SOCS4: variants seen among roughly 807,000 people sequenced by gnomAD.
SOCS4 encodes the protein suppressor of cytokine signaling 4.
SOCS4 carries 20 observed loss-of-function variants against 34.1 expected under a neutral mutation model. The ratio of observed to expected loss-of-function variants is 0.59; its 90% CI spans 0.41 to 0.85. The LOEUF (loss-of-function observed/expected upper bound fraction) is 0.85. Ranked by LOEUF, SOCS4 falls within the 40% of genes least tolerant of loss-of-function variation. The pLI, the probability that SOCS4 is intolerant of heterozygous loss-of-function variation, is 0.00. For synonymous variants in SOCS4, 180 were observed against 186.4 expected (o/e 0.97, Z 0.28); for missense variants, 479 against 532.4 (o/e 0.90, Z 0.99).
intron 2 of SOCS4, among the ~76,000 whole-genome samples, chr14:55,041,598 C>T (rs770137534): frequency 5.3e-5 from 8 of 151,284 alleles, no homozygotes; most frequent in Admixed American, 1.3e-4. Flanking sequence ...CCTCAGCCTC[C>T]CTAGTAGCTG....
In SOCS4 at chr14:55,048,812, G is replaced by T. The variant is rs915701080; in HGVS notation, c.*4448G>T. 1 of 166,822 alleles carries T rather than the reference G, an allele frequency of 6.0e-6. No homozygotes were observed. The highest frequency in any genetic ancestry group is 2.4e-5 in the African/African-American group (1 of 41,406). The allele number at this position is 166,822 out of a possible 1,614,324, so 10.3% of individuals were successfully genotyped here. A position where few individuals can be genotyped will look rare whatever the true frequency, so the allele number is the denominator to read the frequency against. On this transcript the variant is annotated 3_prime_UTR_variant, in exon 3 of 3. Transcript: ENST00000555846. The stretch of plus-strand genomic sequence containing the variant: ...AAAATGTAGGTGATACTTGTAACTC[G>T]ACTTCCTGGAGTTAATTCTTCAGCA...
intron 2 of SOCS4, among the ~76,000 whole-genome samples, chr14:55,040,442 G>A (rs1347922338): frequency 6.6e-6 from 1 of 152,104 alleles, no homozygotes; most frequent in Non-Finnish European, 1.5e-5. Context: ...CAATGTAAAT[G>A]CTATATAAAG....
chr14:55,031,736 T>C (rs1268678607), intron 1 of SOCS4, 127 bp from the exon 2 acceptor site: 1 of 152,208 alleles, frequency 6.6e-6, no homozygotes. Flanking sequence ...AAAAAGGAGA[T>C]ACTTTAAAAT....
chr14:55,041,620 A>G (rs1041037196), intron 2 of SOCS4, among the ~76,000 whole-genome samples: 1 of 149,472 alleles, frequency 6.7e-6, no homozygotes, highest in African/African-American at 2.5e-5. Context: ...GATTACAGGC[A>G]CCCGTCACTG....
intron 1 of SOCS4, among the ~76,000 whole-genome samples, chr14:55,029,714 A>G (rs1192165713): frequency 6.6e-6 from 1 of 152,178 alleles, no homozygotes; most frequent in East Asian, 1.9e-4. Flanking sequence ...ATAGCCAAGG[A>G]GACCAAAGTA....
Position 55,045,917 on chromosome 14 carries a change from A to G in SOCS4, c.*1553A>G, listed in dbSNP as rs1384142306. The stretch of plus-strand genomic sequence containing the variant: ...GCTTTTATGTGAGTAGCATTTCCCT[A>G]TCTTGCAGTTCTGTTAACATGAAAA... On this transcript the variant is annotated 3_prime_UTR_variant, in exon 3 of 3. Transcript: ENST00000555846. 18 of 166,968 alleles carry G rather than the reference A, an allele frequency of 1.1e-4. No homozygotes were observed. Among genetic ancestry groups the G allele is most frequent in the South Asian group, 2.1e-4 (1 of 4,832 alleles). The allele number at this position is 166,968 out of a possible 1,614,324, so 10.3% of individuals were successfully genotyped here.
chr14:55,036,851 A>G (rs2042576548), intron 2 of SOCS4, among the ~76,000 whole-genome samples: 1 of 151,992 alleles, frequency 6.6e-6, no homozygotes, highest in Non-Finnish European at 1.5e-5. Flanking sequence ...GCAGTGGCTC[A>G]CACCTGAAAA....
chr14:55,043,615 A>G lies in SOCS4; in HGVS notation c.574A>G (p.Asn192Asp). 6.2e-7 allele frequency: 1 copy of G among 1,614,192 alleles called. No individual in the cohort carries two copies. ...AAATATAAACTGTTTCTCACATACC[A>G]ATGTTCAGCCCTGTGTCATAACCAC... ...EENINCFSHT[N>D]VQPCVITTDN... Residue 192 changes from asparagine (N) to aspartate (D), a missense_variant, in exon 3 of 3, where the codon AAT becomes GAT. By Grantham distance (23) the Asn-to-Asp change is conservative. Transcript: ENST00000555846.
Position 55,047,692 on chromosome 14 carries a change from C to G in SOCS4, c.*3328C>G, listed in dbSNP as rs573227756. On this transcript the variant is annotated 3_prime_UTR_variant, in exon 3 of 3. Coordinates refer to ENST00000555846, the MANE Select transcript of SOCS4 (RefSeq NM_199421.2). ...ATTATAAATAATATAAAGAATGTCT[C>G]AGTAATTAGAAATCCCTTAATAAGT... 6.0e-6 allele frequency: 1 copy of G among 167,026 alleles called. No homozygotes were observed. Among genetic ancestry groups the G allele is most frequent in the Non-Finnish European group, 1.5e-5 (1 of 68,106 alleles). The allele number at this position is 167,026 out of a possible 1,614,324, so 10.3% of individuals were successfully genotyped here. A position where few individuals can be genotyped will look rare whatever the true frequency, so the allele number is the denominator to read the frequency against.
At chr14:55,039,260 A>C (rs1242672887) in intron 2 of SOCS4, among the ~76,000 whole-genome samples, 1 of 151,582 alleles carries the variant, frequency 6.6e-6, no homozygotes. Flanking sequence ...ACCTAGGGAG[A>C]CTCTGTCTCT....
At position 55,045,154 on chromosome 14, in the gene SOCS4, C is replaced by T. The variant is rs1290177927; in HGVS notation, c.*790C>T. ...CATCTTCAAAACATAAATCTTGTTCCTTTCTCATTGGAAGCTTTGAAAATA... is the reference window on the plus strand; with the variant it reads ...CATCTTCAAAACATAAATCTTGTTCTTTTCTCATTGGAAGCTTTGAAAATA... On this transcript the variant is annotated 3_prime_UTR_variant, in exon 3 of 3. Transcript: ENST00000555846. The T allele has an allele frequency of 6.0e-6, 1 of 166,934 alleles. No individual in the cohort carries two copies. The highest frequency in any genetic ancestry group is 1.5e-5 in the Non-Finnish European group (1 of 68,074). 10.3% of individuals were successfully genotyped at this position (166,934 alleles called of 1,614,324 possible).
intron 2 of SOCS4, 149 bp from the exon 3 acceptor site, chr14:55,042,803 G>A (rs188892661): frequency 5.0e-6 from 2 of 403,266 alleles, no homozygotes; most frequent in East Asian, 4.3e-5. Flanking sequence ...TGTTATTTAA[G>A]TGGGAACAAA....
intron 2 of SOCS4, among the ~76,000 whole-genome samples, chr14:55,039,440 AT>A (rs1283788645): frequency 6.6e-6 from 1 of 152,208 alleles, no homozygotes; most frequent in African/African-American, 2.4e-5. Context: ...TCTTAAAAAA[AT>A]AAAATGAATT....
rs2042652082 is a variant in SOCS4, at chr14:55,044,231, T to C, written c.1190T>C (p.Ile397Thr). 6.2e-7 allele frequency: 1 copy of C among 1,614,082 alleles called. No homozygotes were observed. The highest frequency in any genetic ancestry group is 8.5e-7 in the Non-Finnish European group (1 of 1,179,932). The change falls in exon 3 of 3, where the codon ATT becomes ACT. Residue 397 changes from isoleucine to threonine, a missense_variant. Physicochemically the swap from Ile to Thr is moderately conservative, Grantham distance 89. Transcript: ENST00000555846. ...FSLQHICRTV[I>T]CNCTTYDGID... ...CTGCAGCATATATGCAGAACAGTTA[T>C]TTGTAACTGTACAACTTATGATGGC...
rs769109881 is a variant in SOCS4 at position 55,043,275 on chromosome 14, A to G, written c.234A>G (p.Leu78=). ...GCTGTTCATCCATTGAGTTGGACTT[A>G]GATCATTCCTGTGGGCATCGATTTT... ...KHSCSSIELD[L]DHSCGHRFLG... Residue 78 remains leucine, a synonymous_variant, in exon 3 of 3, where the codon TTA becomes TTG. Transcript: ENST00000555846. The G allele has an allele frequency of 6.2e-7, 1 of 1,614,272 alleles. No homozygotes were observed. Among genetic ancestry groups the G allele is most frequent in the Admixed American group, 1.7e-5 (1 of 60,030 alleles).
At chr14:55,033,203 A>G (rs1480424733) in intron 2 of SOCS4, among the ~76,000 whole-genome samples, 1 of 152,224 alleles carries the variant, frequency 6.6e-6, no homozygotes, top group African/African-American at 2.4e-5. Flanking sequence ...ACAAGATACG[A>G]AAGCACAATT....
chr14:55,034,350 A>T (rs2140243834), intron 2 of SOCS4, among the ~76,000 whole-genome samples: 1 of 152,158 alleles, frequency 6.6e-6, no homozygotes, highest in African/African-American at 2.4e-5. Context: ...AAATAGAAAA[A>T]TTTTCTTCCA....
intron 2 of SOCS4, among the ~76,000 whole-genome samples, chr14:55,041,524 G>T (rs1408172304): frequency 6.6e-6 from 1 of 151,502 alleles, no homozygotes; most frequent in African/African-American, 2.4e-5. Flanking sequence ...TGTCACCCAG[G>T]CTGGAGCGCA....
At chr14:55,042,208 T>A (rs1332245654) in intron 2 of SOCS4, among the ~76,000 whole-genome samples, 2 of 152,208 alleles carry the variant, frequency 1.3e-5, no homozygotes, top group African/African-American at 2.4e-5. Flanking sequence ...TTTACCAACT[T>A]CAGAGGAAAG....
Sources: gnomAD v4.1 joint callset for allele counts (sites outside exome capture counted in the v4.1 genomes callset) on GRCh38, gnomAD v4.1.1 for gene constraint, MANE v1.5 for transcripts, NCBI Gene and HGNC (gene_info 2026-07-23, HGNC 2026-07-21) for gene names.